The following SYNPR variants were observed in gnomAD, a reference collection of about 807,000 sequenced individuals.
SYNPR encodes synaptoporin.
In SYNPR, 23 loss-of-function variants were observed where a neutral mutation model predicts 32.9. That is an observed-to-expected ratio of 0.70 (90% CI 0.50 to 0.99). The LOEUF (loss-of-function observed/expected upper bound fraction) is 0.99. Among genes scored for constraint, SYNPR ranks in the 50% least tolerant of loss-of-function variants. SYNPR has a pLI of 0.00. For synonymous variants in SYNPR, 146 were observed against 135.9 expected (o/e 1.07, Z -0.52); for missense variants, 318 against 349.3 (o/e 0.91, Z 0.71).
At chr3:63,243,870 A>AAAAAACAAAAAC (rs1169171217) in intron 1 of SYNPR, among the ~76,000 whole-genome samples, 1 of 152,048 alleles carries the variant, frequency 6.6e-6, no homozygotes, top group African/African-American at 2.4e-5. Context: ...TGTGGAATAA[A>AAAAAACAAAAAC]AAAAACAAAA....
chr3:63,328,768 A>C (rs2087192773), intron 2 of SYNPR, among the ~76,000 whole-genome samples: 1 of 152,204 alleles, frequency 6.6e-6, no homozygotes, highest in Non-Finnish European at 1.5e-5. Context: ...CTATGGCTAA[A>C]TAAACTTGCC....
At chr3:63,559,158 C>T (rs569249769) in intron 4 of SYNPR, among the ~76,000 whole-genome samples, 170 of 151,246 alleles carry the variant, frequency 1.1e-3, no homozygotes, top group African/African-American at 4.0e-3. Flanking sequence ...ACCTTCACCT[C>T]CTGGGTTCAA....
At chr3:63,375,808 A>G (rs964913891) in intron 2 of SYNPR, among the ~76,000 whole-genome samples, 2 of 152,202 alleles carry the variant, frequency 1.3e-5, no homozygotes, top group East Asian at 1.9e-4. Context: ...CAAAATGTCT[A>G]TCTCTGTCCT....
chr3:63,366,942 C>A (rs186928301), intron 2 of SYNPR, among the ~76,000 whole-genome samples: 2 of 152,170 alleles, frequency 1.3e-5, no homozygotes, highest in African/African-American at 2.4e-5. Flanking sequence ...AGCTGATAGA[C>A]CAGGTGGTGG....
intron 2 of SYNPR, among the ~76,000 whole-genome samples, chr3:63,456,714 G>A (rs187103433): frequency 6.6e-6 from 1 of 152,030 alleles, no homozygotes; most frequent in African/African-American, 2.4e-5. Flanking sequence ...AAACTCTTTG[G>A]AAAGGAGCAG....
intron 2 of SYNPR, among the ~76,000 whole-genome samples, chr3:63,422,272 C>A (rs1699813934): frequency 6.6e-6 from 1 of 152,142 alleles, no homozygotes; most frequent in Admixed American, 6.6e-5. Context: ...GCTATGTGTT[C>A]TCCCTTCTTT....
chr3:63,358,884 C>A (rs986993699), intron 2 of SYNPR, among the ~76,000 whole-genome samples: 5 of 152,098 alleles, frequency 3.3e-5, no homozygotes, highest in African/African-American at 1.2e-4. Flanking sequence ...AGGATAGTAA[C>A]CCAGGCAGTC....
intron 1 of SYNPR, among the ~76,000 whole-genome samples, chr3:63,237,339 G>A (rs996936483): frequency 6.6e-6 from 1 of 151,866 alleles, no homozygotes; most frequent in African/African-American, 2.4e-5. Flanking sequence ...CTACCACCGA[G>A]GCCAACCAGT....
intron 3 of SYNPR, among the ~76,000 whole-genome samples, chr3:63,519,452 C>T (rs760543808): frequency 3.3e-5 from 5 of 152,126 alleles, no homozygotes; most frequent in Admixed American, 6.5e-5. Flanking sequence ...CTTTTGTTCC[C>T]TGAGTTCCCT....
intron 3 of SYNPR, among the ~76,000 whole-genome samples, chr3:63,505,830 A>C (rs955824811): frequency 6.6e-6 from 1 of 152,166 alleles, no homozygotes; most frequent in Non-Finnish European, 1.5e-5. Flanking sequence ...TGGTTTAGTC[A>C]ACAATATTCT....
At chr3:63,490,573 G>A (rs565222393) in intron 3 of SYNPR, among the ~76,000 whole-genome samples, 5 of 152,146 alleles carry the variant, frequency 3.3e-5, no homozygotes, top group East Asian at 1.9e-4. Flanking sequence ...CATGCCATGC[G>A]TGGTCTTCCA....
At chr3:63,283,810 CTT>C (rs142282438) in intron 2 of SYNPR, among the ~76,000 whole-genome samples, 44 of 87,150 alleles carry the variant, frequency 5.0e-4, no homozygotes, top group South Asian at 1.9e-3. Context: ...AGATAATTAC[CTT>C]TTTTTTTTTT....
intron 2 of SYNPR, among the ~76,000 whole-genome samples, chr3:63,396,920 C>T (rs190639992): frequency 1.3e-5 from 2 of 151,998 alleles, no homozygotes; most frequent in African/African-American, 4.8e-5. Flanking sequence ...CTGGCTAACA[C>T]GGTGAAACCC....
chr3:63,614,543 A>G (rs1452220903), intron 5 of SYNPR, among the ~76,000 whole-genome samples: 1 of 152,228 alleles, frequency 6.6e-6, no homozygotes, highest in Non-Finnish European at 1.5e-5. Context: ...TGGTTTCAAC[A>G]TTCACTTATC....
chr3:63,596,386 T>C (rs1401403367), intron 4 of SYNPR, among the ~76,000 whole-genome samples: 1 of 144,584 alleles, frequency 6.9e-6, no homozygotes, highest in African/African-American at 2.5e-5. Context: ...CCTTTTTCTC[T>C]TCCCTGTTCT....
chr3:63,506,080 C>CCCTTCCTTCCTTCCTTCCTT lies in SYNPR; in HGVS notation c.209+25125_209+25144dup, dbSNP rs113121978. On this transcript the variant is annotated intron_variant, in intron 3 of 5. Transcript: ENST00000478300. ...TTGTCACTCAAACTTAGATGCTCCT[C>CCCTTCCTTCCTTCCTTCCTT]CCTTCCTTCCTTCCTTCCTTTTCTC... 9.2e-3 allele frequency among the ~76,000 whole-genome samples: 1,379 copies of CCCTTCCTTCCTTCCTTCCTT among 150,246 alleles called. 18 individuals are homozygous for CCCTTCCTTCCTTCCTTCCTT. The highest frequency in any genetic ancestry group is 0.032 in the African/African-American group (1,284 of 40,632).
intron 4 of SYNPR, among the ~76,000 whole-genome samples, chr3:63,606,413 C>CTTTTTTTTTTTTT (rs1454337046): frequency 1.6e-5 from 1 of 63,456 alleles, no homozygotes; most frequent in African/African-American, 4.9e-5. Context: ...ACCTCAAATC[C>CTTTTTTTTTTTTT]TTTCTTTTTT....
intron 2 of SYNPR, among the ~76,000 whole-genome samples, chr3:63,338,922 C>T (rs969012584): frequency 2.6e-5 from 4 of 152,212 alleles, no homozygotes. Context: ...AAGTAAAGGA[C>T]CATGTCAGCG....
chr3:63,425,819 G>C (rs1452412437), intron 2 of SYNPR, among the ~76,000 whole-genome samples: 1 of 142,804 alleles, frequency 7.0e-6, no homozygotes, highest in Non-Finnish European at 1.5e-5. Context: ...GTCTTACTCT[G>C]TCACCCAGGC....
Sources: allele counts gnomAD v4.1 joint callset (sites outside exome capture counted in the v4.1 genomes callset), GRCh38; gene constraint gnomAD v4.1.1; transcripts MANE v1.5; gene names NCBI Gene and HGNC (gene_info 2026-07-23, HGNC 2026-07-21).